FHIT: variants seen among roughly 807,000 people sequenced by gnomAD.
FHIT encodes bis(5'-adenosyl)-triphosphatase.
Under a neutral mutation model 17.9 loss-of-function variants are expected in FHIT, and 19 were observed. That is an observed-to-expected ratio of 1.06 (90% CI 0.74 to 1.56). FHIT has a LOEUF of 1.56. Among genes scored for constraint, FHIT ranks in the 40% most tolerant of loss-of-function variants. The pLI is 0.00. For missense variants in FHIT, 248 were observed against 189.2 expected (o/e 1.31, Z -1.82); for synonymous variants, 81 against 69.7 (o/e 1.16, Z -0.81).
At chr3:60,692,830 T>C (rs1553699798) in intron 4 of FHIT, among the ~76,000 whole-genome samples, 1 of 152,246 alleles carries the variant, frequency 6.6e-6, no homozygotes, top group Admixed American at 6.5e-5. Flanking sequence ...ATGCAAAAGA[T>C]GTCTTCATTA....
chr3:60,344,669 G>A (rs928483553), intron 5 of FHIT, among the ~76,000 whole-genome samples: 7 of 152,126 alleles, frequency 4.6e-5, no homozygotes, highest in African/African-American at 4.8e-5. Context: ...AGAAGATAAC[G>A]TGTTGACTTT....
chr3:61,111,043 A>G (rs547829872), intron 2 of FHIT, among the ~76,000 whole-genome samples: 27 of 152,344 alleles, frequency 1.8e-4, no homozygotes, highest in African/African-American at 6.0e-4. Context: ...TTGATAACAC[A>G]CAATTTATTA....
At chr3:59,817,222 G>A (rs1224956780) in intron 8 of FHIT, among the ~76,000 whole-genome samples, 3 of 152,156 alleles carry the variant, frequency 2.0e-5, no homozygotes, top group Non-Finnish European at 4.4e-5. Context: ...ATGTTTGTGT[G>A]TGTTGTTAGT....
At chr3:60,500,667 G>A (rs925176834) in intron 5 of FHIT, among the ~76,000 whole-genome samples, 2 of 150,906 alleles carry the variant, frequency 1.3e-5, no homozygotes, top group African/African-American at 4.9e-5. Flanking sequence ...TAGCTACTAG[G>A]GAGGCTGAGG....
At chr3:61,093,266 A>G (rs1465018237) in intron 2 of FHIT, among the ~76,000 whole-genome samples, 1 of 152,224 alleles carries the variant, frequency 6.6e-6, no homozygotes, top group Non-Finnish European at 1.5e-5. Context: ...AGAGAGACTG[A>G]GAAAGCATAC....
intron 5 of FHIT, among the ~76,000 whole-genome samples, chr3:60,223,232 T>A (rs1015293016): frequency 6.6e-6 from 1 of 152,158 alleles, no homozygotes; most frequent in African/African-American, 2.4e-5. Flanking sequence ...GTGCTTTATT[T>A]ATTACAATAC....
chr3:60,060,332 C>G (rs1702248925), intron 5 of FHIT, among the ~76,000 whole-genome samples: 2 of 152,146 alleles, frequency 1.3e-5, no homozygotes, highest in African/African-American at 4.8e-5. Flanking sequence ...ACCGTAGAAT[C>G]AATACTGGGG....
chr3:60,724,343 T>C (rs1444167838), intron 4 of FHIT, among the ~76,000 whole-genome samples: 1 of 152,240 alleles, frequency 6.6e-6, no homozygotes, highest in Non-Finnish European at 1.5e-5. Context: ...TAATATTTCA[T>C]TGCATGGATA....
chr3:60,274,277 C>T lies in FHIT; in HGVS notation c.104-260125G>A, dbSNP rs145422169. Among the ~76,000 whole-genome samples, 21 of 152,252 alleles carry T rather than the reference C, an allele frequency of 1.4e-4. No individual in the cohort carries two copies. The East Asian group carries it at 3.7e-3, about 27-fold the overall frequency. On this transcript the variant is annotated intron_variant, in intron 5 of 9. Transcript: ENST00000492590. The stretch of plus-strand genomic sequence containing the variant: ...TCTCTACCTCACTAGATTATAAACT[C>T]CTTGAGGGCAGGCACTGGTTCCACT...
At chr3:60,702,569 A>T (rs1448015849) in intron 4 of FHIT, among the ~76,000 whole-genome samples, 2 of 152,020 alleles carry the variant, frequency 1.3e-5, no homozygotes, top group East Asian at 3.9e-4. Context: ...GTATAAAGAA[A>T]AAATTTGATT....
intron 5 of FHIT, among the ~76,000 whole-genome samples, chr3:60,300,403 A>C (rs1388316227): frequency 6.6e-6 from 1 of 152,138 alleles, no homozygotes; most frequent in Non-Finnish European, 1.5e-5. Flanking sequence ...AGGGTTACAA[A>C]GTGGGGAGGA....
At chr3:60,875,218 C>A (rs1415177853) in intron 3 of FHIT, among the ~76,000 whole-genome samples, 1 of 152,268 alleles carries the variant, frequency 6.6e-6, no homozygotes, top group Middle Eastern at 3.4e-3. Flanking sequence ...CCTTGGAAAC[C>A]TTTTCTGATG....
At position 60,909,008 on chromosome 3, in the gene FHIT, C is replaced by T. The variant is rs182034320; in HGVS notation, c.-110-86997G>A. 2.5e-3 allele frequency among the ~76,000 whole-genome samples: 380 copies of T among 152,254 alleles called. 2 individuals are homozygous for T. Among genetic ancestry groups the T allele is most frequent in the Non-Finnish European group, 4.6e-3 (316 of 68,012 alleles). ...AATGTAATTTTAATTATTGTTGTCA[C>T]ACCTTAGCTAATATTTTCATACTCA... is the stretch of plus-strand genomic sequence containing the variant. On this transcript the variant is annotated intron_variant, in intron 3 of 9. Coordinates refer to ENST00000492590, the MANE Select transcript of FHIT (RefSeq NM_002012.4).
intron 5 of FHIT, among the ~76,000 whole-genome samples, chr3:60,348,724 T>C (rs1253030855): frequency 1.3e-5 from 2 of 152,230 alleles, no homozygotes; most frequent in African/African-American, 4.8e-5. Context: ...ATGCTTGGCT[T>C]AGCCATGTAA....
chr3:59,940,995 C>T (rs918103199), intron 7 of FHIT, among the ~76,000 whole-genome samples: 5 of 152,096 alleles, frequency 3.3e-5, no homozygotes, highest in African/African-American at 1.2e-4. Context: ...TGTTCCCATA[C>T]TCACGGCCAT....
rs189664340 is a variant in FHIT at position 60,049,524 on chromosome 3, C to T, written c.104-35372G>A. 3.0e-3 allele frequency among the ~76,000 whole-genome samples: 459 copies of T among 152,056 alleles called. 1 individual carries two copies. The highest frequency in any genetic ancestry group is 3.5e-3 in the Non-Finnish European group (239 of 67,988). On this transcript the variant is annotated intron_variant, in intron 5 of 9. Transcript: ENST00000492590. Reference sequence around the variant, plus strand: ...TCAATCAGTTCCAATGAAAATTTAGCCTCTGATTTAAGATGTACTATAAAA... The same window carrying T: ...TCAATCAGTTCCAATGAAAATTTAGTCTCTGATTTAAGATGTACTATAAAA...
rs144421175 is a variant in FHIT, at chr3:59,764,989, A to C, written c.349-12668T>G. ...ACTATTTTGAAGCCTCAGGCTAGGA[A>C]AGCAATACCCTCACCTTTCTCAGCT... On this transcript the variant is annotated intron_variant, in intron 8 of 9. Transcript: ENST00000492590. 5.5e-4 allele frequency among the ~76,000 whole-genome samples: 84 copies of C among 151,516 alleles called. No homozygotes were observed. The East Asian group carries it at 0.014, about 25-fold the overall frequency.
intron 1 of FHIT, among the ~76,000 whole-genome samples, chr3:61,214,132 CA>C (rs1202948246): frequency 6.6e-6 from 1 of 151,956 alleles, no homozygotes; most frequent in East Asian, 1.9e-4. Flanking sequence ...CAAAAGCTAG[CA>C]AAAGGCAAGA....
At chr3:60,417,972 C>G (rs559821022) in intron 5 of FHIT, among the ~76,000 whole-genome samples, 2 of 152,104 alleles carry the variant, frequency 1.3e-5, no homozygotes, top group African/African-American at 2.4e-5. Flanking sequence ...TTCAAATACA[C>G]CAGGGTCTTC....
Sources: gnomAD v4.1 joint callset for allele counts (sites outside exome capture counted in the v4.1 genomes callset) on GRCh38, gnomAD v4.1.1 for gene constraint, MANE v1.5 for transcripts, NCBI Gene and HGNC (gene_info 2026-07-23, HGNC 2026-07-21) for gene names.